The following XYLT1 variants were observed in gnomAD, a reference collection of about 807,000 sequenced individuals.
XYLT1 encodes the protein beta-D-xylosyltransferase 1.
In XYLT1, 36 loss-of-function variants were observed where a neutral mutation model predicts 91.3. The observed-to-expected ratio is 0.39, with a 90% CI of 0.30 to 0.52. The LOEUF is 0.52. XYLT1 is among the 20% of genes least tolerant of loss of function. The pLI is 0.68. For synonymous variants in XYLT1, 588 were observed against 532.0 expected, an observed-to-expected ratio of 1.11 and a Z score of -1.45; for missense variants, 1,242 against 1,284.5, an observed-to-expected ratio of 0.97 and a Z score of 0.51.
chr16:17,136,972 T>G (rs1287936855), intron 8 of XYLT1, among the ~76,000 whole-genome samples: 1 of 152,088 alleles, frequency 6.6e-6, no homozygotes, highest in Non-Finnish European at 1.5e-5. Context: ...GGACGGGTCC[T>G]CTCCAAACAT....
intron 1 of XYLT1, among the ~76,000 whole-genome samples, chr16:17,366,603 G>A (rs535404533): frequency 2.0e-5 from 3 of 152,168 alleles, no homozygotes; most frequent in African/African-American, 4.8e-5. Flanking sequence ...GCTGAGGCAC[G>A]AGAACAGCTT....
chr16:17,414,857 G>C (rs979191246), intron 1 of XYLT1, among the ~76,000 whole-genome samples: 3 of 152,128 alleles, frequency 2.0e-5, no homozygotes, highest in African/African-American at 7.2e-5. Context: ...GATGCTGTGA[G>C]ATTAAAGCGC....
rs185088543 is a variant in XYLT1 at position 17,151,943 on chromosome 16, C to T, written c.1370+6886G>A. Among the ~76,000 whole-genome samples the T allele has an allele frequency of 1.0e-3, 156 of 152,292 alleles. No homozygotes were observed. In the Middle Eastern group the frequency reaches 0.02, roughly 20 times the overall value. ...GAATCCTGAGGCTGGAGTACCTGGG[C>T]TTGGTGGCTCACATTCTTCACAGGG... is the stretch of plus-strand genomic sequence containing the variant. On this transcript the variant is annotated intron_variant, in intron 6 of 11. Transcript: ENST00000261381.
chr16:17,293,340 C>G (rs2034258462), intron 2 of XYLT1, among the ~76,000 whole-genome samples: 1 of 152,118 alleles, frequency 6.6e-6, no homozygotes, highest in East Asian at 1.9e-4. Flanking sequence ...GGGAGCATCT[C>G]TCTAATGGAA....
chr16:17,342,586 G>A (rs988787075), intron 2 of XYLT1, among the ~76,000 whole-genome samples: 1 of 152,150 alleles, frequency 6.6e-6, no homozygotes, highest in African/African-American at 2.4e-5. Flanking sequence ...GTTGGGCGAG[G>A]TGGCGCGTGC....
intron 2 of XYLT1, among the ~76,000 whole-genome samples, chr16:17,335,286 C>G (rs548336131): frequency 6.9e-4 from 105 of 151,690 alleles, no homozygotes; most frequent in Non-Finnish European, 1.3e-3. Flanking sequence ...CAAGGGTTAA[C>G]CAACATATGA....
chr16:17,302,233 T>G (rs963475240), intron 2 of XYLT1, among the ~76,000 whole-genome samples: 1 of 151,680 alleles, frequency 6.6e-6, no homozygotes, highest in Non-Finnish European at 1.5e-5. Flanking sequence ...CTACTACTAA[T>G]AATAATAATA....
chr16:17,440,090 G>A (rs979502419), intron 1 of XYLT1, among the ~76,000 whole-genome samples: 4 of 152,322 alleles, frequency 2.6e-5, no homozygotes, highest in African/African-American at 4.8e-5. Context: ...GTTAGGACCT[G>A]TAAGAGGCTT....
At chr16:17,398,734 C>T (rs573042497) in intron 1 of XYLT1, among the ~76,000 whole-genome samples, 4 of 151,102 alleles carry the variant, frequency 2.6e-5, no homozygotes, top group Admixed American at 1.3e-4. Flanking sequence ...AATGTTCCTT[C>T]GCTTGTAGAT....
chr16:17,318,790 C>CT (rs58376375), intron 2 of XYLT1, among the ~76,000 whole-genome samples: 92,278 of 142,492 alleles, frequency 0.65, 30,591 homozygotes, highest in African/African-American at 0.78. Context: ...TCTGCTTACT[C>CT]TTTTTTTTTT....
intron 1 of XYLT1, among the ~76,000 whole-genome samples, chr16:17,424,454 T>C (rs898098762): frequency 1.3e-5 from 2 of 152,200 alleles, no homozygotes; most frequent in African/African-American, 4.8e-5. Context: ...ACCATGATTT[T>C]ATGGACATTA....
chr16:17,246,573 C>T (rs1360122186), intron 3 of XYLT1, among the ~76,000 whole-genome samples: 1 of 152,206 alleles, frequency 6.6e-6, no homozygotes, highest in East Asian at 1.9e-4. Flanking sequence ...CCTGGGCAAG[C>T]TACTTAACCT....
intron 5 of XYLT1, among the ~76,000 whole-genome samples, chr16:17,178,694 T>C (rs1023349146): frequency 1.3e-5 from 2 of 152,194 alleles, no homozygotes; most frequent in African/African-American, 4.8e-5. Context: ...GCCGCCTTAG[T>C]ATTACAACAG....
intron 2 of XYLT1, chr16:17,338,054 C>G (rs972074728): frequency 5.1e-6 from 2 of 392,016 alleles, no homozygotes; most frequent in Admixed American, 2.8e-5. Flanking sequence ...AGGCGTGAGC[C>G]ACCGCACCCG....
chr16:17,189,952 A>G (rs1053521642), intron 5 of XYLT1, among the ~76,000 whole-genome samples: 11 of 152,216 alleles, frequency 7.2e-5, no homozygotes, highest in Non-Finnish European at 1.3e-4. Context: ...AGGCAGAGCC[A>G]GGAGAATCTC....
At chr16:17,251,744 T>C (rs770314441) in intron 3 of XYLT1, among the ~76,000 whole-genome samples, 19 of 152,178 alleles carry the variant, frequency 1.2e-4, no homozygotes, top group Non-Finnish European at 2.9e-5. Context: ...ACAGCCTTTA[T>C]TGGAAAAGAT....
intron 9 of XYLT1, among the ~76,000 whole-genome samples, chr16:17,129,517 C>T (rs1449704003): frequency 2.0e-5 from 3 of 152,284 alleles, no homozygotes; most frequent in African/African-American, 4.8e-5. Context: ...CCGCCCGCCT[C>T]GGCCTCCCAA....
At chr16:17,290,284 G>A (rs4780701) in intron 2 of XYLT1, among the ~76,000 whole-genome samples, 103,276 of 152,274 alleles carry the variant, frequency 0.68, 37,198 homozygotes, top group African/African-American at 0.93. Context: ...AGTAAAACTA[G>A]AGATGTCTAT....
At chr16:17,126,854 A>G (rs1160767671) in intron 10 of XYLT1, among the ~76,000 whole-genome samples, 2 of 152,202 alleles carry the variant, frequency 1.3e-5, no homozygotes, top group Non-Finnish European at 2.9e-5. Context: ...CTCAGCATCT[A>G]CAAAGACTAC....
Sources: gnomAD v4.1 joint callset for allele counts (sites outside exome capture counted in the v4.1 genomes callset) on GRCh38, gnomAD v4.1.1 for gene constraint, MANE v1.5 for transcripts, NCBI Gene and HGNC (gene_info 2026-07-23, HGNC 2026-07-21) for gene names.